LRMDA: variants seen among roughly 807,000 people sequenced by gnomAD.
LRMDA encodes the protein leucine rich melanocyte differentiation associated.
In LRMDA, 18 loss-of-function variants were observed where a neutral mutation model predicts 29.8. The ratio of observed to expected loss-of-function variants is 0.60; its 90% confidence interval spans 0.42 to 0.90. The LOEUF (loss-of-function observed/expected upper bound fraction) is 0.90. Ranked by LOEUF, LRMDA falls within the 40% of genes least tolerant of loss-of-function variation. The probability of loss-of-function intolerance (pLI) is 0.00; values close to 1 mark genes in which losing one functional copy is unlikely to be tolerated. For synonymous variants in LRMDA, 125 were observed against 109.4 expected (o/e 1.14, Z -0.89); for missense variants, 273 against 273.9 (o/e 1.00, Z 0.02).
At chr10:76,173,140 G>T (rs891804689) in intron 5 of LRMDA, among the ~76,000 whole-genome samples, 4 of 152,144 alleles carry the variant, frequency 2.6e-5, no homozygotes, top group African/African-American at 7.2e-5. Flanking sequence ...AGCACTCTAG[G>T]TGGAATTAGT....
intron 6 of LRMDA, among the ~76,000 whole-genome samples, chr10:76,461,427 C>T (rs1842510722): frequency 2.0e-5 from 3 of 152,180 alleles, no homozygotes; most frequent in Admixed American, 2.0e-4. Context: ...CTGAGATTTC[C>T]ACAGCAACCT....
chr10:76,334,551 G>A (rs554174174), intron 6 of LRMDA, among the ~76,000 whole-genome samples: 8 of 152,272 alleles, frequency 5.3e-5, no homozygotes, highest in East Asian at 1.9e-4. Context: ...TCGGCCTGCC[G>A]TCCTCCAGCT....
rs564058438 is a variant in LRMDA at position 75,988,457 on chromosome 10, C to G, written c.132-47551C>G. 1.8e-4 allele frequency among the ~76,000 whole-genome samples: 27 copies of G among 152,136 alleles called. No homozygotes were observed. The South Asian group carries it at 5.4e-3, about 30-fold the overall frequency. ...CCCACTCTTGCCTCCATGTCCCACC[C>G]CCAACATGCACACATGCCTCTCTAG... On this transcript the variant is annotated intron_variant, in intron 2 of 6. Transcript: ENST00000611255.
chr10:75,673,510 G>C (rs922157800), intron 2 of LRMDA, among the ~76,000 whole-genome samples: 1 of 152,180 alleles, frequency 6.6e-6, no homozygotes, highest in Non-Finnish European at 1.5e-5. Flanking sequence ...GACTGGATCT[G>C]TACTGAGACT....
chr10:75,792,955 G>A (rs929091222), intron 2 of LRMDA, among the ~76,000 whole-genome samples: 6 of 152,142 alleles, frequency 3.9e-5, no homozygotes, highest in African/African-American at 1.4e-4. Context: ...AGTGGTTGGG[G>A]TATTTTGATA....
intron 2 of LRMDA, among the ~76,000 whole-genome samples, chr10:76,015,457 A>G (rs1004340148): frequency 2.6e-5 from 4 of 152,190 alleles, no homozygotes; most frequent in Non-Finnish European, 5.9e-5. Context: ...TCCTTGCCAC[A>G]TGGACCTCTC....
intron 5 of LRMDA, among the ~76,000 whole-genome samples, chr10:76,060,576 C>G (rs150378340): frequency 2.6e-5 from 4 of 152,298 alleles, no homozygotes; most frequent in African/African-American, 9.6e-5. Context: ...TGGGCCCACA[C>G]TCTTCTCTCT....
chr10:75,755,332 T>G (rs1448591888), intron 2 of LRMDA, among the ~76,000 whole-genome samples: 1 of 152,260 alleles, frequency 6.6e-6, no homozygotes, highest in Non-Finnish European at 1.5e-5. Flanking sequence ...CATGTCATTG[T>G]GCCTAGCACA....
At chr10:76,524,831 C>T (rs1843158063) in intron 6 of LRMDA, among the ~76,000 whole-genome samples, 1 of 152,178 alleles carries the variant, frequency 6.6e-6, no homozygotes, top group African/African-American at 2.4e-5. Context: ...AGAGCAATGG[C>T]TTCACTTGAA....
intron 5 of LRMDA, among the ~76,000 whole-genome samples, chr10:76,125,788 C>T (rs1849871396): frequency 6.6e-6 from 1 of 152,210 alleles, no homozygotes; most frequent in African/African-American, 2.4e-5. Flanking sequence ...TCGACCTCCT[C>T]AGTTTCTGTG....
At chr10:76,370,486 C>A (rs1013244372) in intron 6 of LRMDA, among the ~76,000 whole-genome samples, 2 of 152,072 alleles carry the variant, frequency 1.3e-5, no homozygotes, top group Non-Finnish European at 2.9e-5. Flanking sequence ...TGCAAGTGAC[C>A]CCTTATCCTG....
chr10:76,434,146 C>CTT (rs1564540552), intron 6 of LRMDA, among the ~76,000 whole-genome samples: 1 of 151,462 alleles, frequency 6.6e-6, no homozygotes, highest in African/African-American at 2.4e-5. Context: ...CTCATATCCT[C>CTT]TTCTTTCTTT....
At chr10:76,232,937 G>A (rs1486910440) in intron 5 of LRMDA, among the ~76,000 whole-genome samples, 7 of 152,194 alleles carry the variant, frequency 4.6e-5, no homozygotes, top group Admixed American at 4.6e-4. Flanking sequence ...ACCACTCAAA[G>A]GTGGGCATGA....
intron 2 of LRMDA, among the ~76,000 whole-genome samples, chr10:75,617,034 CTGGAT>C (rs1274809679): frequency 2.6e-5 from 4 of 152,202 alleles, no homozygotes; most frequent in African/African-American, 9.6e-5. Context: ...TTGGGAACCA[CTGGAT>C]TAAGGTCCAG....
chr10:76,123,088 T>A (rs748082540), intron 5 of LRMDA, among the ~76,000 whole-genome samples: 61 of 152,192 alleles, frequency 4.0e-4, no homozygotes, highest in Non-Finnish European at 7.2e-4. Flanking sequence ...TCATTCTCCA[T>A]GCTATCCTCT....
chr10:75,908,186 A>G (rs1845786998), intron 2 of LRMDA, among the ~76,000 whole-genome samples: 1 of 152,214 alleles, frequency 6.6e-6, no homozygotes, highest in African/African-American at 2.4e-5. Context: ...GAAAGCTTTG[A>G]CAAGTAGGAA....
intron 4 of LRMDA, among the ~76,000 whole-genome samples, chr10:76,050,693 G>A (rs1240845312): frequency 6.6e-6 from 1 of 152,204 alleles, no homozygotes. Context: ...CCATGCTACT[G>A]AGAAACCACT....
At chr10:76,358,246 G>A (rs555806115) in intron 6 of LRMDA, among the ~76,000 whole-genome samples, 1 of 152,284 alleles carries the variant, frequency 6.6e-6, no homozygotes, top group Admixed American at 6.5e-5. Flanking sequence ...TGAGGCAATG[G>A]AACGTTCATT....
At chr10:75,991,198 T>C (rs1847362618) in intron 2 of LRMDA, among the ~76,000 whole-genome samples, 2 of 152,158 alleles carry the variant, frequency 1.3e-5, no homozygotes, top group African/African-American at 4.8e-5. Flanking sequence ...TAGAGATACA[T>C]GTATTTTTGG....
Sources: allele counts gnomAD v4.1 joint callset (sites outside exome capture counted in the v4.1 genomes callset), GRCh38; gene constraint gnomAD v4.1.1; transcripts MANE v1.5; gene names NCBI Gene and HGNC (gene_info 2026-07-23, HGNC 2026-07-21).